ADAMTS18: variants seen among roughly 807,000 people sequenced by gnomAD.
ADAMTS18 encodes the protein A disintegrin and metalloproteinase with thrombospondin motifs 18.
Under a neutral mutation model 165.9 loss-of-function variants are expected in ADAMTS18, and 157 were observed. That is an observed-to-expected ratio of 0.95 (90% CI 0.83 to 1.08). The LOEUF (loss-of-function observed/expected upper bound fraction) is 1.08, where lower values mean the gene tolerates loss of function less well. Ranked by LOEUF, ADAMTS18 falls within the 50% of genes least tolerant of loss-of-function variation. The probability of loss-of-function intolerance (pLI) is 0.00; values close to 1 mark genes in which losing one functional copy is unlikely to be tolerated. For missense variants in ADAMTS18, 2,040 were observed against 1,534.0 expected, an observed-to-expected ratio of 1.33 and a Z score of -5.51; for synonymous variants, 782 against 578.2, an observed-to-expected ratio of 1.35 and a Z score of -5.06.
Position 77,320,130 on chromosome 16 carries a change from C to T in ADAMTS18, c.2288-37G>A, listed in dbSNP as rs770657757. ...GAAGAGAACATGTCTGAATTCCACC[C>T]CATGCATTGGAGAAAAGGGACTAGA... On this transcript the variant is annotated intron_variant, in intron 15 of 22. Transcript: ENST00000282849. The T allele has an allele frequency of 1.4e-5, 23 of 1,613,222 alleles. No individual in the cohort carries two copies. In the South Asian group the frequency reaches 2.4e-4, roughly 17 times the overall value.
At chr16:77,322,613 G>T in intron 13 of ADAMTS18, 147 bp from the exon 14 acceptor site, 2 of 992,594 alleles carry the variant, frequency 2.0e-6, no homozygotes, top group Non-Finnish European at 1.5e-6. Flanking sequence ...AAGCCCATAT[G>T]ATGTGGCTTT....
intron 20 of ADAMTS18, among the ~76,000 whole-genome samples, chr16:77,292,550 G>A (rs192829215): frequency 6.6e-5 from 10 of 152,288 alleles, no homozygotes; most frequent in East Asian, 5.8e-4. Flanking sequence ...CCCAAAGACC[G>A]GCTTGGGTGA....
chr16:77,283,915 G>A lies in ADAMTS18; in HGVS notation c.*41C>T. The A allele has an allele frequency of 6.7e-7, 1 of 1,494,380 alleles. No homozygotes were observed. The highest frequency in any genetic ancestry group is 1.1e-5 in the South Asian group (1 of 88,522). 92.6% of individuals were successfully genotyped at this position (1,494,380 alleles called of 1,614,324 possible). Reference sequence around the variant, plus strand: ...CAGCTGGTCTCTCTAGAGGTTGAAAGGTAAGCCCCTGGCCCTAAGGTGCTG... The same window carrying A: ...CAGCTGGTCTCTCTAGAGGTTGAAAAGTAAGCCCCTGGCCCTAAGGTGCTG... On this transcript the variant is annotated 3_prime_UTR_variant, in exon 23 of 23. Coordinates refer to ENST00000282849, the MANE Select transcript of ADAMTS18 (RefSeq NM_199355.4).
chr16:77,356,027 C>T lies in ADAMTS18; in HGVS notation c.1373G>A (p.Gly458Asp), dbSNP rs886986841. The T allele has an allele frequency of 6.2e-7, 1 of 1,614,078 alleles. No individual in the cohort carries two copies. The highest frequency in any genetic ancestry group is 1.6e-4 in the Middle Eastern group (1 of 6,062). Residue 458 changes from glycine to aspartate, a missense_variant, in exon 9 of 23, where the codon GGC becomes GAC. Transcript: ENST00000282849. ...GGTCAGTGTGGGAGACATGATATTG[C>T]CTTCAGCCTTTCTGCAGGGATTCCC... ...GEGNPCRKAE[G>D]NIMSPTLTGN...
At chr16:77,387,802 G>C (rs1279348982) in intron 3 of ADAMTS18, among the ~76,000 whole-genome samples, 1 of 152,208 alleles carries the variant, frequency 6.6e-6, no homozygotes, top group African/African-American at 2.4e-5. Context: ...CCATCGACAA[G>C]ACTGTGAGTA....
chr16:77,300,319 C>T lies in ADAMTS18; in HGVS notation c.2618G>A (p.Arg873Lys), dbSNP rs141026455. The change falls in exon 17 of 23, where the codon AGA becomes AAA. Residue 873 changes from arginine to lysine, a missense_variant. By Grantham distance (26) the Arg-to-Lys change is conservative. Transcript: ENST00000282849. Reference protein sequence around the residue: ...VMNGTPPATKRPAYTWSIVQS... With the variant: ...VMNGTPPATKKPAYTWSIVQS... ...CACGATACTCCAGGTATAGGCAGGT[C>T]TTTTTGTGGCTGGTGGAGTTCCATT... 2 of 1,614,064 alleles carry T rather than the reference C, an allele frequency of 1.2e-6. No individual in the cohort carries two copies. The highest frequency in any genetic ancestry group is 1.7e-6 in the Non-Finnish European group (2 of 1,179,988).
chr16:77,303,944 G>A (rs770188805), intron 16 of ADAMTS18, among the ~76,000 whole-genome samples: 2 of 152,078 alleles, frequency 1.3e-5, no homozygotes, highest in Non-Finnish European at 2.9e-5. Flanking sequence ...GCAGGAGAAG[G>A]GCGTGAACTC....
intron 16 of ADAMTS18, among the ~76,000 whole-genome samples, chr16:77,301,700 T>C (rs999041611): frequency 5.9e-5 from 9 of 152,244 alleles, no homozygotes; most frequent in African/African-American, 2.2e-4. Flanking sequence ...CTCTTTAGGA[T>C]GGTACAAAAT....
chr16:77,416,120 T>A (rs1259943865), intron 3 of ADAMTS18, among the ~76,000 whole-genome samples: 1 of 151,752 alleles, frequency 6.6e-6, no homozygotes, highest in African/African-American at 2.4e-5. Flanking sequence ...GTGATGGGAG[T>A]GTCAGGGAAG....
chr16:77,393,202 T>C (rs548704173), intron 3 of ADAMTS18, among the ~76,000 whole-genome samples: 2 of 152,302 alleles, frequency 1.3e-5, no homozygotes, highest in African/African-American at 4.8e-5. Context: ...GGAGTGGCCA[T>C]GCTCTGCCTA....
intron 3 of ADAMTS18, among the ~76,000 whole-genome samples, chr16:77,373,128 G>A (rs541636585): frequency 1.3e-5 from 2 of 151,564 alleles, no homozygotes; most frequent in Admixed American, 6.6e-5. Flanking sequence ...TGGCTTTCTG[G>A]TGCTCATTGC....
At chr16:77,397,549 C>T (rs2057274326) in intron 3 of ADAMTS18, among the ~76,000 whole-genome samples, 1 of 152,168 alleles carries the variant, frequency 6.6e-6, no homozygotes, top group African/African-American at 2.4e-5. Context: ...AATTTGGAGT[C>T]ATTAACACAG....
intron 3 of ADAMTS18, among the ~76,000 whole-genome samples, chr16:77,407,488 G>C (rs2057407940): frequency 6.6e-6 from 1 of 152,022 alleles, no homozygotes; most frequent in South Asian, 2.1e-4. Context: ...ACACAATATA[G>C]TCACGACAAT....
intron 3 of ADAMTS18, among the ~76,000 whole-genome samples, chr16:77,405,970 T>C (rs2057388500): frequency 6.6e-6 from 1 of 151,926 alleles, no homozygotes; most frequent in Non-Finnish European, 1.5e-5. Flanking sequence ...ATGAAAGAAA[T>C]ATTAAACCCA....
intron 11 of ADAMTS18, among the ~76,000 whole-genome samples, chr16:77,336,276 G>C (rs2056309380): frequency 6.6e-6 from 1 of 152,044 alleles, no homozygotes; most frequent in Admixed American, 6.6e-5. Context: ...GAACAATTCG[G>C]ATCACTCATT....
chr16:77,355,353 C>A (rs1052124989), intron 9 of ADAMTS18, among the ~76,000 whole-genome samples: 2 of 152,126 alleles, frequency 1.3e-5, no homozygotes, highest in Non-Finnish European at 2.9e-5. Context: ...TAGCTACCAT[C>A]TTCTTTGGCT....
chr16:77,315,522 A>G (rs1317766921), intron 16 of ADAMTS18, among the ~76,000 whole-genome samples: 3 of 152,192 alleles, frequency 2.0e-5, no homozygotes, highest in Non-Finnish European at 2.9e-5. Flanking sequence ...CAGGGCAAAA[A>G]TACATGACAA....
rs1051752732 is a variant in ADAMTS18 at position 77,396,625 on chromosome 16, G to A, written c.496-28902C>T. ...TCAAGAGAAAACCTGCAGAGAGGAA[G>A]TTCAAAATTCCAGCAGACAGGGGAA... On this transcript the variant is annotated intron_variant, in intron 3 of 22. Transcript: ENST00000282849. 6.6e-5 allele frequency among the ~76,000 whole-genome samples: 10 copies of A among 152,148 alleles called. No homozygotes were observed. The East Asian group carries it at 1.5e-3, about 23-fold the overall frequency.
chr16:77,367,583 C>T lies in ADAMTS18; in HGVS notation c.636G>A (p.Gln212=). 1 of 1,614,188 alleles carries T rather than the reference C, an allele frequency of 6.2e-7. No homozygotes were observed. Reference sequence around the variant, plus strand: ...CAGAGCCGGGGTAGCCACGGTACCGCTGGATCTTCTCCTCTGCTGTCCTTT... The same window carrying T: ...CAGAGCCGGGGTAGCCACGGTACCGTTGGATCTTCTCCTCTGCTGTCCTTT... ...LYKRTAEEKI[Q]RYRGYPGSGR... The change falls in exon 4 of 23, where the codon CAG becomes CAA. Residue 212 remains glutamine, a synonymous_variant. Coordinates refer to ENST00000282849, the MANE Select transcript of ADAMTS18 (RefSeq NM_199355.4).
Sources: allele counts gnomAD v4.1 joint callset (sites outside exome capture counted in the v4.1 genomes callset), GRCh38; gene constraint gnomAD v4.1.1; transcripts MANE v1.5; gene names NCBI Gene and HGNC (gene_info 2026-07-23, HGNC 2026-07-21).